SATB1: variants seen among roughly 807,000 people sequenced by gnomAD.
SATB1 encodes DNA-binding protein SATB1.
A neutral mutation model predicts 86.9 loss-of-function variants in SATB1; 11 were observed. The observed-to-expected ratio is 0.13, with a 90% CI of 0.08 to 0.21. The LOEUF is 0.21. Ranked by LOEUF, SATB1 falls within the 10% of genes least tolerant of loss-of-function variation. The pLI is 1.00. For missense variants in SATB1, 551 were observed against 937.6 expected (o/e 0.59, Z 5.39); for synonymous variants, 357 against 357.2 (o/e 1.00, Z 0.01).
Position 18,444,525 on chromosome 3 carries a change from G to C in SATB1, c.-25+993C>G. The C allele has an allele frequency of 1.0e-6, 1 of 955,706 alleles. No homozygotes were observed. 59.2% of individuals were successfully genotyped at this position (955,706 alleles called of 1,614,324 possible). Reference sequence around the variant, plus strand: ...AGGAGTGGGTGCTACGGAGAAGTTTGGATTGATTCCGGAAAAAGAGGGACA... The same window carrying C: ...AGGAGTGGGTGCTACGGAGAAGTTTCGATTGATTCCGGAAAAAGAGGGACA... On this transcript the variant is annotated intron_variant, in intron 1 of 3. Transcript: ENST00000415069. This position sits in a 1 kb window ranked among gnomAD's most constrained non-coding sequence, Gnocchi z 5.1.
chr3:18,366,117 C>T (rs1311426878), intron 9 of SATB1, among the ~76,000 whole-genome samples: 1 of 152,160 alleles, frequency 6.6e-6, no homozygotes, highest in African/African-American at 2.4e-5. Flanking sequence ...CCATGACAAG[C>T]AGCACTCCTG....
chr3:18,420,863 C>G lies in SATB1; in HGVS notation c.105G>C (p.Gln35His). Residue 35 changes from glutamine to histidine, a missense_variant, in exon 2 of 11, where the codon CAG becomes CAC. Coordinates refer to ENST00000338745, the MANE Select transcript of SATB1 (RefSeq NM_002971.6). ...TTCCTCTTCCTAGCGGGCTCCCGTT[C>G]TGCTCCAGGCGGGCAATCTTGGCTG... is the stretch of plus-strand genomic sequence containing the variant. ...GPPAKIARLE[Q>H]NGSPLGRGRL... is the part of the protein sequence containing the mutation. The G allele has an allele frequency of 6.2e-7, 1 of 1,614,216 alleles. No individual in the cohort carries two copies. The highest frequency in any genetic ancestry group is 8.5e-7 in the Non-Finnish European group (1 of 1,180,038).
Position 18,349,686 on chromosome 3 carries a change from C to A in SATB1, c.1780-4G>T. The stretch of plus-strand genomic sequence containing the variant: ...GTTGCTGTTGCTGCTGCTGTTGCTG[C>A]AAAGAAACAAGGAGACAATCAGAGC... On this transcript the variant is annotated splice_region_variant and splice_polypyrimidine_tract_variant and intron_variant, in intron 10 of 10. Transcript: ENST00000338745. This position sits in a 1 kb window ranked among gnomAD's most constrained non-coding sequence, Gnocchi z 5.5. The A allele has an allele frequency of 6.3e-7, 1 of 1,592,020 alleles. No homozygotes were observed.
At chr3:18,384,727 TCTTTAAC>T (rs1696240860) in intron 8 of SATB1, among the ~76,000 whole-genome samples, 1 of 152,212 alleles carries the variant, frequency 6.6e-6, no homozygotes, top group Non-Finnish European at 1.5e-5. Context: ...TTATCTTTTC[TCTTTAAC>T]CATACTTAGA....
In SATB1 at chr3:18,415,209, G is replaced by T; in HGVS notation, c.541C>A (p.Pro181Thr). The change falls in exon 5 of 11, where the codon CCC becomes ACC. Residue 181 changes from proline (P) to threonine (T), a missense_variant. Transcript: ENST00000338745. ...HSCPKLEDLP[P>T]EQWSHTTVRN... Reference sequence around the variant, plus strand: ...ACTGTGGTGTGCGACCATTGTTCGGGAGGCAAGTCTTCTAGTTTGGGGCAA... The same window carrying T: ...ACTGTGGTGTGCGACCATTGTTCGGTAGGCAAGTCTTCTAGTTTGGGGCAA... 1 of 1,612,938 alleles carries T rather than the reference G, an allele frequency of 6.2e-7. No homozygotes were observed. Among genetic ancestry groups the T allele is most frequent in the Non-Finnish European group, 8.5e-7 (1 of 1,179,166 alleles).
chr3:18,429,418 A>G (rs373436644), upstream of SATB1, among the ~76,000 whole-genome samples: 2 of 152,268 alleles, frequency 1.3e-5, no homozygotes, highest in East Asian at 1.9e-4. This position sits in a 1 kb window ranked among gnomAD's most constrained non-coding sequence, Gnocchi z 4.1. Context: ...TGTGACCGAC[A>G]TCATTACAAC....
intron 5 of SATB1, among the ~76,000 whole-genome samples, chr3:18,405,966 T>C (rs907995811): frequency 6.6e-6 from 1 of 151,984 alleles, no homozygotes; most frequent in Non-Finnish European, 1.5e-5. Flanking sequence ...TCCTTCACAG[T>C]GTAGGAAAAT....
At chr3:18,409,063 T>C (rs1304726146) in intron 5 of SATB1, 2 of 152,006 alleles carry the variant, frequency 1.3e-5, no homozygotes, top group African/African-American at 2.4e-5. Context: ...AGGAAACCTA[T>C]TCAGATCTGA....
At chr3:18,428,601 G>A (rs1698787467), upstream of SATB1, among the ~76,000 whole-genome samples, 2 of 152,166 alleles carry the variant, frequency 1.3e-5, no homozygotes, top group South Asian at 2.1e-4. Flanking sequence ...AAGTATTGAA[G>A]AAAGTTAAAC....
intron 9 of SATB1, among the ~76,000 whole-genome samples, chr3:18,355,119 A>G (rs1694565670): frequency 6.6e-6 from 1 of 152,092 alleles, no homozygotes; most frequent in Admixed American, 6.5e-5. Flanking sequence ...TTAACGGTGC[A>G]GCTGGGAACT....
intron 8 of SATB1, among the ~76,000 whole-genome samples, chr3:18,381,067 G>A (rs184243158): frequency 3.3e-5 from 5 of 152,302 alleles, no homozygotes; most frequent in South Asian, 4.1e-4. Flanking sequence ...TTAAGGCGGC[G>A]CCGGGGAAGT....
At chr3:18,404,057 C>T (rs1697399662) in intron 5 of SATB1, among the ~76,000 whole-genome samples, 1 of 152,016 alleles carries the variant, frequency 6.6e-6, no homozygotes, top group Admixed American at 6.6e-5. Flanking sequence ...TTCTTTTAAT[C>T]TCAAAGGACA....
chr3:18,395,334 C>G (rs764458174), intron 6 of SATB1, among the ~76,000 whole-genome samples: 1 of 151,902 alleles, frequency 6.6e-6, no homozygotes, highest in Non-Finnish European at 1.5e-5. Flanking sequence ...TTATAATAAG[C>G]AACTAAAAAA....
intron 9 of SATB1, among the ~76,000 whole-genome samples, chr3:18,375,700 G>A (rs1004624229): frequency 2.2e-4 from 33 of 151,952 alleles, no homozygotes; most frequent in African/African-American, 7.3e-4. Context: ...TTATTAAGTC[G>A]GGTTTCTTTT....
intron 2 of SATB1, among the ~76,000 whole-genome samples, chr3:18,432,509 T>C (rs1216432243): frequency 6.6e-6 from 1 of 152,144 alleles, no homozygotes; most frequent in Non-Finnish European, 1.5e-5. Flanking sequence ...CCCACCACCA[T>C]AAGGCACTGG....
intron 7 of SATB1, among the ~76,000 whole-genome samples, chr3:18,390,159 A>G (rs1450625445): frequency 6.6e-6 from 1 of 152,184 alleles, no homozygotes; most frequent in Non-Finnish European, 1.5e-5. Flanking sequence ...AACAGCAGAT[A>G]AGCGAAAGAG....
intron 5 of SATB1, among the ~76,000 whole-genome samples, chr3:18,405,474 A>G (rs571292814): frequency 1.3e-5 from 2 of 152,148 alleles, no homozygotes; most frequent in African/African-American, 4.8e-5. Flanking sequence ...AAGTACTTTG[A>G]GCAATTCATT....
Position 18,391,304 on chromosome 3 carries a change from T to C in SATB1, c.1206+3158A>G, listed in dbSNP as rs368334119. On this transcript the variant is annotated intron_variant, in intron 7 of 10. Coordinates refer to ENST00000338745, the MANE Select transcript of SATB1 (RefSeq NM_002971.6). ...GTTTTCTATCATATTAAGGTCTTAA[T>C]GCCGTTTATAAGAAACAGTATCTTC... Among the ~76,000 whole-genome samples the C allele has an allele frequency of 3.4e-3, 525 of 152,316 alleles. 1 individual carries two copies. Among genetic ancestry groups the C allele is most frequent in the African/African-American group, 0.011 (477 of 41,574 alleles).
intron 5 of SATB1, chr3:18,408,869 A>C (rs1697686456): frequency 6.6e-6 from 1 of 151,954 alleles, no homozygotes; most frequent in Non-Finnish European, 1.5e-5. Context: ...TTTGAGTAGC[A>C]TGATTTGTTT....
Sources: allele counts gnomAD v4.1 joint callset (sites outside exome capture counted in the v4.1 genomes callset), GRCh38; gene constraint gnomAD v4.1.1; non-coding constraint Gnocchi (gnomAD v3.1); transcripts MANE v1.5; gene names NCBI Gene and HGNC (gene_info 2026-07-23, HGNC 2026-07-21).